Variants in STEAP2 observed in about 807,000 individuals in gnomAD.
STEAP2 encodes the protein STEAP2 metalloreductase, also known as metalloreductase STEAP2.
A neutral mutation model predicts 46.4 loss-of-function variants in STEAP2; 30 were observed. The ratio of observed to expected loss-of-function variants is 0.65; its 90% CI spans 0.48 to 0.88. STEAP2 has a LOEUF of 0.88. STEAP2 is among the 40% of genes least tolerant of loss of function. The probability of loss-of-function intolerance (pLI) is 0.00; values close to 1 mark genes in which losing one functional copy is unlikely to be tolerated. For missense variants in STEAP2, 513 were observed against 579.3 expected (o/e 0.89, Z 1.18); for synonymous variants, 180 against 200.5 (o/e 0.90, Z 0.86).
chr7:90,221,729 T>G (rs1213946453), intron 2 of STEAP2, among the ~76,000 whole-genome samples: 1 of 152,134 alleles, frequency 6.6e-6, no homozygotes, highest in Non-Finnish European at 1.5e-5. Context: ...CACAGCACAT[T>G]ATAGTCATAT....
rs1360384475 is a variant in STEAP2, at chr7:90,227,164, A to G, written c.686A>G (p.Tyr229Cys). ...AISLATFFFL[Y>C]SFVRDVIHPY... ...AGCTTGGCCACATTTTTTTTCCTTTATTCCTTTGTCAGAGATGTGATTCAT... is the reference window on the plus strand; with the variant it reads ...AGCTTGGCCACATTTTTTTTCCTTTGTTCCTTTGTCAGAGATGTGATTCAT... Residue 229 changes from tyrosine (Y) to cysteine (C), a missense_variant, in exon 4 of 6, where the codon TAT (tyrosine) becomes TGT (cysteine). Transcript: ENST00000394621. 6.2e-7 allele frequency: 1 copy of G among 1,612,800 alleles called. No homozygotes were observed. Among genetic ancestry groups the G allele is most frequent in the Admixed American group, 1.7e-5 (1 of 59,740 alleles).
chr7:90,242,969 G>A (rs1333458127), downstream of STEAP2, among the ~76,000 whole-genome samples: 1 of 152,238 alleles, frequency 6.6e-6, no homozygotes, highest in Non-Finnish European at 1.5e-5. Context: ...GATGAGAACT[G>A]AAAAATGTTA....
rs1190984612 is a variant in STEAP2, at chr7:90,232,932, A to G, written c.*308A>G. The G allele has an allele frequency of 4.0e-6, 4 of 993,716 alleles. No individual in the cohort carries two copies. Among genetic ancestry groups the G allele is most frequent in the Non-Finnish European group, 4.8e-6 (4 of 832,292 alleles). 61.6% of individuals were successfully genotyped at this position (993,716 alleles called of 1,614,324 possible). On this transcript the variant is annotated 3_prime_UTR_variant, in exon 6 of 6. Coordinates refer to ENST00000394621, the MANE Select transcript of STEAP2 (RefSeq NM_001244944.2). ...CAAAAATACTTACAGTTAATAATAT[A>G]GATATAATGTTAAAAACAATTTGCA...
At chr7:90,228,942 C>T (rs1176411069) in intron 4 of STEAP2, among the ~76,000 whole-genome samples, 1 of 152,160 alleles carries the variant, frequency 6.6e-6, no homozygotes, top group Non-Finnish European at 1.5e-5. Flanking sequence ...CCTTAGGGAA[C>T]TAATAGCTAA....
In STEAP2 at chr7:90,226,999, C is replaced by A; in HGVS notation, c.521C>A (p.Ala174Glu). The A allele has an allele frequency of 6.2e-7, 1 of 1,602,656 alleles. No homozygotes were observed. Among genetic ancestry groups the A allele is most frequent in the South Asian group, 1.1e-5 (1 of 88,688 alleles). Residue 174 changes from alanine to glutamate, a missense_variant, in exon 4 of 6, where the codon GCG becomes GAG. By Grantham distance (107) the Ala-to-Glu change is moderately radical (BLOSUM62 -1). Coordinates refer to ENST00000394621, the MANE Select transcript of STEAP2 (RefSeq NM_001244944.2). ...QVYICSNNIQ[A>E]RQQVIELARQ... Reference sequence around the variant, plus strand: ...TATATATGCAGCAACAATATTCAAGCGCGACAACAGGTTATTGAACTTGCC... The same window carrying A: ...TATATATGCAGCAACAATATTCAAGAGCGACAACAGGTTATTGAACTTGCC...
At chr7:90,225,914 T>G (rs1210831686) in intron 3 of STEAP2, among the ~76,000 whole-genome samples, 1 of 152,214 alleles carries the variant, frequency 6.6e-6, no homozygotes, top group African/African-American at 2.4e-5. Flanking sequence ...GCATTACAAT[T>G]AAGCATGATT....
rs376393327 is a variant in STEAP2, at chr7:90,231,718, A to T, written c.1186-619A>T. On this transcript the variant is annotated intron_variant, in intron 5 of 5. Transcript: ENST00000394621. ...AAATGCCCTTATGTGGCACATGACT[A>T]TATTTATGTGTATGTGTATACACAC... is the stretch of plus-strand genomic sequence containing the variant. Among the ~76,000 whole-genome samples the T allele has an allele frequency of 3.3e-5, 5 of 152,068 alleles. No individual in the cohort carries two copies. The East Asian group carries it at 7.7e-4, about 23-fold the overall frequency.
chr7:90,222,557 A>G (rs1337810367), intron 2 of STEAP2, among the ~76,000 whole-genome samples: 2 of 152,096 alleles, frequency 1.3e-5, no homozygotes, highest in Admixed American at 1.3e-4. Context: ...GGATAAATTA[A>G]TTATCTTCTG....
In STEAP2 at chr7:90,225,384, T is replaced by G. The variant is rs1332797473; in HGVS notation, c.302T>G (p.Leu101Arg). The change falls in exon 3 of 6, where the codon CTG becomes CGG. Residue 101 changes from leucine (L) to arginine (R), a missense_variant. By Grantham distance (102) the Leu-to-Arg change is moderately radical. Coordinates refer to ENST00000394621, the MANE Select transcript of STEAP2 (RefSeq NM_001244944.2). ...ATACACAGAGAACATTATACCTCCC[T>G]GTGGGACCTGAGACATCTGCTTGTG... is the stretch of plus-strand genomic sequence containing the variant. ...VAIHREHYTS[L>R]WDLRHLLVGK... 1 of 1,613,902 alleles carries G rather than the reference T, an allele frequency of 6.2e-7. No homozygotes were observed.
At chr7:90,242,845 A>G (rs1042592693), downstream of STEAP2, among the ~76,000 whole-genome samples, 3 of 152,178 alleles carry the variant, frequency 2.0e-5, no homozygotes, top group African/African-American at 7.2e-5. Context: ...AAAGATACCA[A>G]TGAGTAGCTG....
intron 2 of STEAP2, among the ~76,000 whole-genome samples, chr7:90,220,774 T>C (rs1795224893): frequency 6.6e-6 from 1 of 152,188 alleles, no homozygotes; most frequent in South Asian, 2.1e-4. Context: ...GATATAAGCT[T>C]CCATCTTAGC....
At chr7:90,219,039 T>A (rs778212975) in intron 2 of STEAP2, among the ~76,000 whole-genome samples, 3 of 152,096 alleles carry the variant, frequency 2.0e-5, no homozygotes, top group Non-Finnish European at 4.4e-5. Context: ...GTTTTTTTTA[T>A]AGCTATTGTA....
intron 2 of STEAP2, among the ~76,000 whole-genome samples, chr7:90,223,691 A>G (rs763731238): frequency 2.5e-4 from 38 of 152,222 alleles, no homozygotes; most frequent in Non-Finnish European, 4.0e-4. Context: ...TACATATTAT[A>G]TAATTTAAGA....
At chr7:90,223,625 C>T (rs1392267057) in intron 2 of STEAP2, among the ~76,000 whole-genome samples, 42 of 152,178 alleles carry the variant, frequency 2.8e-4, no homozygotes, top group Non-Finnish European at 2.9e-5. Flanking sequence ...TTACCTCTGC[C>T]TGTCCTTGAC....
At position 90,235,129 on chromosome 7, in the gene STEAP2, C is replaced by T. The variant is rs1795918151; in HGVS notation, c.*2505C>T. 1 of 942,528 alleles carries T rather than the reference C, an allele frequency of 1.1e-6. No homozygotes were observed. The highest frequency in any genetic ancestry group is 4.9e-5 in the South Asian group (1 of 20,448). 58.4% of individuals were successfully genotyped at this position (942,528 alleles called of 1,614,324 possible). The stretch of plus-strand genomic sequence containing the variant: ...ATGACTATTAAAGCATATATTGTTG[C>T]ATGTATATATTAAGTAGCCGATACT... On this transcript the variant is annotated 3_prime_UTR_variant, in exon 6 of 6. Coordinates refer to ENST00000394621, the MANE Select transcript of STEAP2 (RefSeq NM_001244944.2).
chr7:90,237,744 A>G (rs567139548), downstream of STEAP2: 93 of 183,150 alleles, frequency 5.1e-4, no homozygotes, highest in African/African-American at 1.8e-3. Context: ...AAAGCAATAC[A>G]TGTGATAGTT....
Position 90,229,969 on chromosome 7 carries a change from T to A in STEAP2, c.1118T>A (p.Leu373His). The A allele has an allele frequency of 6.2e-7, 1 of 1,613,682 alleles. No individual in the cohort carries two copies. The change falls in exon 5 of 6, where the codon CTC (leucine) becomes CAC (histidine). Residue 373 changes from leucine to histidine, a missense_variant. By Grantham distance (99) the Leu-to-His change is moderately conservative (BLOSUM62 -3). Transcript: ENST00000394621. ...FGIMSLGLLS[L>H]LAVTSIPSVS... ...ATAATGAGCCTTGGCTTACTTTCCC[T>A]CCTGGCAGTCACTTCTATCCCTTCA...
At chr7:90,226,424 TAATA>T (rs1181376873) in intron 3 of STEAP2, among the ~76,000 whole-genome samples, 1 of 152,162 alleles carries the variant, frequency 6.6e-6, no homozygotes. Context: ...GTCACAACTG[TAATA>T]AATTAATTTA....
Position 90,232,799 on chromosome 7 carries a change from GTT to G in STEAP2, c.*177_*178del. ...TCAAGTTAATTTTCACAAATGTCAT[GTT>G]TGCCAATATGAATTTTTCTAGTCAA... On this transcript the variant is annotated 3_prime_UTR_variant, in exon 6 of 6. Coordinates refer to ENST00000394621, the MANE Select transcript of STEAP2 (RefSeq NM_001244944.2). 1 of 1,307,834 alleles carries G rather than the reference GTT, an allele frequency of 7.6e-7. No homozygotes were observed. Among genetic ancestry groups the G allele is most frequent in the South Asian group, 2.4e-5 (1 of 41,136 alleles). The allele number at this position is 1,307,834 out of a possible 1,614,324, so 81.0% of individuals were successfully genotyped here. A position where few individuals can be genotyped will look rare whatever the true frequency, so the allele number is the denominator to read the frequency against.
Sources: allele counts gnomAD v4.1 joint callset (sites outside exome capture counted in the v4.1 genomes callset), GRCh38; gene constraint gnomAD v4.1.1; transcripts MANE v1.5; gene names NCBI Gene and HGNC (gene_info 2026-07-23, HGNC 2026-07-21).